Variants in TMEM132D observed in about 807,000 individuals in gnomAD.
TMEM132D encodes transmembrane protein 132D, also known as mature OL transmembrane protein.
A neutral mutation model predicts 62.3 loss-of-function variants in TMEM132D; 21 were observed. The observed-to-expected ratio is 0.34, with a 90% confidence interval of 0.24 to 0.49. The LOEUF (loss-of-function observed/expected upper bound fraction) is 0.49. TMEM132D is among the 20% of genes least tolerant of loss of function. The pLI is 0.99. For missense variants in TMEM132D, 1,346 were observed against 1,402.8 expected (o/e 0.96, Z 0.65); for synonymous variants, 621 against 575.6 (o/e 1.08, Z -1.13).
At chr12:129,259,269 TG>T (rs1880490057) in intron 4 of TMEM132D, among the ~76,000 whole-genome samples, 1 of 152,160 alleles carries the variant, frequency 6.6e-6, no homozygotes, top group African/African-American at 2.4e-5. Flanking sequence ...CGGTGAGTGT[TG>T]GAAGCTCATC....
At chr12:129,644,794 T>G (rs547900097) in intron 2 of TMEM132D, among the ~76,000 whole-genome samples, 1 of 145,170 alleles carries the variant, frequency 6.9e-6, no homozygotes, top group Admixed American at 7.0e-5. Flanking sequence ...CTGGCTAACA[T>G]GGTGAAACCC....
intron 3 of TMEM132D, among the ~76,000 whole-genome samples, chr12:129,429,794 C>A (rs1397856712): frequency 7.4e-6 from 1 of 134,242 alleles, no homozygotes; most frequent in East Asian, 2.3e-4. Flanking sequence ...TCCATGTGTT[C>A]TCATTGTTCA....
At chr12:129,865,142 C>A (rs1470803834) in intron 1 of TMEM132D, among the ~76,000 whole-genome samples, 1 of 152,178 alleles carries the variant, frequency 6.6e-6, no homozygotes, top group Non-Finnish European at 1.5e-5. Flanking sequence ...ACTGGAAACC[C>A]CTGTGAGCAG....
chr12:129,637,830 G>A (rs552937829), intron 2 of TMEM132D, among the ~76,000 whole-genome samples: 4 of 152,140 alleles, frequency 2.6e-5, no homozygotes, highest in African/African-American at 9.6e-5. Context: ...AGGGGGCGGA[G>A]GTGCCACATA....
chr12:129,439,297 A>ATT (rs1208286901), intron 3 of TMEM132D, among the ~76,000 whole-genome samples: 1 of 152,156 alleles, frequency 6.6e-6, no homozygotes, highest in Non-Finnish European at 1.5e-5. Context: ...ATTATGAGTC[A>ATT]TTATTTTTAA....
chr12:129,487,322 T>G (rs999496362), intron 3 of TMEM132D, among the ~76,000 whole-genome samples: 5 of 152,310 alleles, frequency 3.3e-5, no homozygotes, highest in Non-Finnish European at 7.4e-5. Context: ...GTACGATGTT[T>G]GGCTTTCATA....
intron 2 of TMEM132D, among the ~76,000 whole-genome samples, chr12:129,651,455 T>G (rs1173766684): frequency 6.6e-6 from 1 of 152,168 alleles, no homozygotes; most frequent in Non-Finnish European, 1.5e-5. Context: ...TGGAGTGCAC[T>G]GAACTAGTAA....
At chr12:129,312,110 C>T (rs1337020886) in intron 4 of TMEM132D, among the ~76,000 whole-genome samples, 2 of 152,142 alleles carry the variant, frequency 1.3e-5, no homozygotes, top group African/African-American at 4.8e-5. Flanking sequence ...ACTTTTTAGA[C>T]AGTGCAAGAG....
intron 3 of TMEM132D, among the ~76,000 whole-genome samples, chr12:129,443,815 G>A (rs969700598): frequency 5.3e-5 from 8 of 152,108 alleles, no homozygotes; most frequent in African/African-American, 1.7e-4. Flanking sequence ...ATCAATACAC[G>A]TTTCACATTC....
chr12:129,230,315 G>GGGT (rs1555239653), intron 4 of TMEM132D, among the ~76,000 whole-genome samples: 2 of 150,452 alleles, frequency 1.3e-5, no homozygotes, highest in Admixed American at 6.6e-5. Flanking sequence ...GGAGGGGGGG[G>GGGT]GCTCCCCAGC....
chr12:129,451,005 A>T (rs1479939946), intron 3 of TMEM132D, among the ~76,000 whole-genome samples: 1 of 151,570 alleles, frequency 6.6e-6, no homozygotes, highest in Non-Finnish European at 1.5e-5. Context: ...CTCGTGATCC[A>T]CCCTCCTCAG....
chr12:129,181,736 A>G (rs1013958569), intron 5 of TMEM132D, among the ~76,000 whole-genome samples: 1 of 151,764 alleles, frequency 6.6e-6, no homozygotes. Context: ...GTTGGAAGAG[A>G]CCCTATTTAT....
intron 2 of TMEM132D, among the ~76,000 whole-genome samples, chr12:129,553,339 C>T (rs537868166): frequency 6.6e-6 from 1 of 152,312 alleles, no homozygotes; most frequent in African/African-American, 2.4e-5. Context: ...CCCCTGCCCC[C>T]TCACTCTCTG....
At chr12:129,168,826 C>A (rs11060178) in intron 5 of TMEM132D, among the ~76,000 whole-genome samples, 1 of 152,076 alleles carries the variant, frequency 6.6e-6, no homozygotes, top group African/African-American at 2.4e-5. Flanking sequence ...GGGAATCACC[C>A]TTGGTTGAGA....
intron 2 of TMEM132D, among the ~76,000 whole-genome samples, chr12:129,546,459 G>A (rs1410077028): frequency 6.6e-6 from 1 of 152,082 alleles, no homozygotes; most frequent in Non-Finnish European, 1.5e-5. Flanking sequence ...AGCTACACCT[G>A]CATTCTCCTT....
chr12:129,811,914 A>G (rs1872198973), intron 1 of TMEM132D, among the ~76,000 whole-genome samples: 2 of 151,712 alleles, frequency 1.3e-5, no homozygotes, highest in South Asian at 2.1e-4. Flanking sequence ...CCTGGAAGCC[A>G]GCTCTCCTCC....
At chr12:129,352,883 C>A (rs1271271779) in intron 3 of TMEM132D, among the ~76,000 whole-genome samples, 1 of 152,156 alleles carries the variant, frequency 6.6e-6, no homozygotes, top group Non-Finnish European at 1.5e-5. Flanking sequence ...ACCAGAAATA[C>A]CACTTGACCC....
At chr12:129,266,073 C>G (rs1230666974) in intron 4 of TMEM132D, among the ~76,000 whole-genome samples, 1 of 151,954 alleles carries the variant, frequency 6.6e-6, no homozygotes, top group African/African-American at 2.4e-5. Flanking sequence ...TTTGTCTTGG[C>G]TCCTCTATGT....
chr12:129,796,434 G>A (rs1357028965), intron 1 of TMEM132D, among the ~76,000 whole-genome samples: 1 of 151,862 alleles, frequency 6.6e-6, no homozygotes, highest in African/African-American at 2.4e-5. Context: ...CTTAATTTAT[G>A]TGTGTTTAAA....
Sources: allele counts gnomAD v4.1 joint callset (sites outside exome capture counted in the v4.1 genomes callset), GRCh38; gene constraint gnomAD v4.1.1; transcripts MANE v1.5; gene names NCBI Gene and HGNC (gene_info 2026-07-23, HGNC 2026-07-21).